The following RBFOX3 variants were observed in gnomAD, a reference collection of about 807,000 sequenced individuals.
The protein encoded by RBFOX3 is RNA binding protein fox-1 homolog 3.
RBFOX3 carries 17 observed loss-of-function variants against 48.7 expected under a neutral mutation model. The observed-to-expected ratio is 0.35, with a 90% CI of 0.24 to 0.52. The LOEUF (loss-of-function observed/expected upper bound fraction) is 0.52, where lower values mean the gene tolerates loss of function less well. Ranked by LOEUF, RBFOX3 falls within the 20% of genes least tolerant of loss-of-function variation. The pLI is 0.94. For missense variants in RBFOX3, 382 were observed against 497.5 expected (o/e 0.77, Z 2.21); for synonymous variants, 212 against 209.5 (o/e 1.01, Z -0.10).
chr17:79,348,571 C>CTTTTTTTTTTTTTTTT (rs71358701), intron 2 of RBFOX3, among the ~76,000 whole-genome samples: 1 of 75,144 alleles, frequency 1.3e-5, no homozygotes, highest in Non-Finnish European at 2.3e-5. Context: ...TTTTCTTTTC[C>CTTTTTTTTTTTTTTTT]TTTTTTTTTT....
At chr17:79,182,442 G>A (rs1030804180) in intron 4 of RBFOX3, among the ~76,000 whole-genome samples, 1 of 152,198 alleles carries the variant, frequency 6.6e-6, no homozygotes, top group East Asian at 1.9e-4. Flanking sequence ...GAGGGGCCTG[G>A]GGGAGACGAG....
chr17:79,554,045 TTC>T (rs1210258778), intron 1 of RBFOX3, among the ~76,000 whole-genome samples: 2 of 152,226 alleles, frequency 1.3e-5, no homozygotes, highest in Middle Eastern at 3.2e-3. Flanking sequence ...CTTTCTTGAC[TTC>T]TAACCTTGAC....
Position 79,362,036 on chromosome 17 carries a change from T to C in RBFOX3, c.-174-54212A>G, listed in dbSNP as rs1219211648. ...TAATACAGCTGCCTTGGACGAATGTTCCCTGCCTGCTGCGTATTTACTCAG... is the reference window on the plus strand; with the variant it reads ...TAATACAGCTGCCTTGGACGAATGTCCCCTGCCTGCTGCGTATTTACTCAG... On this transcript the variant is annotated intron_variant, in intron 2 of 14. Transcript: ENST00000693108. The surrounding 1 kb of genome is among the most constrained non-coding windows in gnomAD (Gnocchi z 4.2). Among the ~76,000 whole-genome samples the C allele has an allele frequency of 1.3e-5, 2 of 152,196 alleles. No homozygotes were observed. The highest frequency in any genetic ancestry group is 1.5e-5 in the Non-Finnish European group (1 of 68,040).
chr17:79,335,361 G>T (rs796312969), intron 2 of RBFOX3, among the ~76,000 whole-genome samples: 9 of 152,366 alleles, frequency 5.9e-5, no homozygotes, highest in African/African-American at 2.2e-4. Context: ...GAAACATCAT[G>T]TAAGTGTATG....
intron 3 of RBFOX3, among the ~76,000 whole-genome samples, chr17:79,241,695 A>G (rs919363542): frequency 1.1e-4 from 17 of 152,144 alleles, no homozygotes; most frequent in African/African-American, 4.1e-4. Context: ...ACAGAAATGT[A>G]TTTCTCCCAG....
intron 4 of RBFOX3, among the ~76,000 whole-genome samples, chr17:79,210,171 G>C (rs1023911883): frequency 6.6e-6 from 1 of 152,214 alleles, no homozygotes; most frequent in Admixed American, 6.5e-5. Flanking sequence ...TATGGAGTGG[G>C]GAGTGCAGGG....
chr17:79,638,676 G>A, the RBFOX3 span, among the ~76,000 whole-genome samples: 11 of 152,170 alleles, frequency 7.2e-5, no homozygotes, highest in Admixed American at 1.3e-4. Flanking sequence ...TCATGAATAC[G>A]TTAATGCCCT....
chr17:79,317,812 C>T (rs1385858618), intron 2 of RBFOX3, among the ~76,000 whole-genome samples: 1 of 152,024 alleles, frequency 6.6e-6, no homozygotes, highest in Non-Finnish European at 1.5e-5. Context: ...AGGGTGCCAC[C>T]TTGTCTACCT....
At chr17:79,456,976 G>C (rs1437497534) in intron 2 of RBFOX3, among the ~76,000 whole-genome samples, 2 of 152,242 alleles carry the variant, frequency 1.3e-5, no homozygotes, top group South Asian at 2.1e-4. Flanking sequence ...GTCATGAATT[G>C]TATGTGTGTG....
At chr17:79,184,979 A>G (rs2053098387) in intron 4 of RBFOX3, among the ~76,000 whole-genome samples, 1 of 152,206 alleles carries the variant, frequency 6.6e-6, no homozygotes. Context: ...CCATTGAGGA[A>G]GAGGGAACAA....
At chr17:79,620,091 GCACACATGTGTGCATGCACGCATATGCA>G in the RBFOX3 span, among the ~76,000 whole-genome samples, 7,880 of 131,324 alleles carry the variant, frequency 0.06, 675 homozygotes, top group African/African-American at 0.21. Flanking sequence ...ACAAGCACAT[GCACACATGTGTGCATGCACGCATATGCA>G]CACATACACA....
intron 2 of RBFOX3, among the ~76,000 whole-genome samples, chr17:79,433,184 G>A (rs1418369816): frequency 1.3e-5 from 2 of 152,156 alleles, no homozygotes; most frequent in African/African-American, 4.8e-5. Flanking sequence ...TCAGGAAAAT[G>A]GTGTGAGTCA....
the RBFOX3 span, among the ~76,000 whole-genome samples, chr17:79,633,322 G>A: frequency 5.9e-5 from 9 of 152,386 alleles, no homozygotes; most frequent in East Asian, 1.7e-3. Flanking sequence ...CACTGTCAGT[G>A]CCAGCGGGCA....
chr17:79,113,340 C>A (rs1187627912), intron 5 of RBFOX3, among the ~76,000 whole-genome samples: 2 of 152,142 alleles, frequency 1.3e-5, no homozygotes, highest in African/African-American at 4.8e-5. Flanking sequence ...TCTGAGGAGG[C>A]CCAGGTCTTT....
chr17:79,545,702 G>A (rs183036116), intron 1 of RBFOX3, among the ~76,000 whole-genome samples: 6 of 152,238 alleles, frequency 3.9e-5, no homozygotes, highest in East Asian at 1.9e-4. Flanking sequence ...ATCCAATTCC[G>A]CCTCCCAGCT....
In RBFOX3 at chr17:79,305,737, C is replaced by A. The variant is rs372962035; in HGVS notation, c.-74+1987G>T. On this transcript the variant is annotated intron_variant, in intron 3 of 14. Transcript: ENST00000693108. ...CTCCTGAAAGGGCAGGGAGCCTCCGCTGGGCCATTTTTCAGACTTTAATTG... is the reference window on the plus strand; with the variant it reads ...CTCCTGAAAGGGCAGGGAGCCTCCGATGGGCCATTTTTCAGACTTTAATTG... 3.6e-3 allele frequency among the ~76,000 whole-genome samples: 550 copies of A among 152,344 alleles called. 2 individuals carry two copies. Among genetic ancestry groups the A allele is most frequent in the African/African-American group, 0.013 (534 of 41,572 alleles).
At chr17:79,273,563 T>C (rs375017042) in intron 3 of RBFOX3, among the ~76,000 whole-genome samples, 97 of 101,978 alleles carry the variant, frequency 9.5e-4, no homozygotes, top group African/African-American at 3.1e-3. Context: ...GGGTAAACAG[T>C]GCTCTGGGGG....
chr17:79,134,915 C>T (rs964902490), intron 4 of RBFOX3: 3 of 152,306 alleles, frequency 2.0e-5, no homozygotes, highest in African/African-American at 7.2e-5. Context: ...GAAAGGCCAC[C>T]TGGGCACCCT....
rs143932773 is a variant in RBFOX3 at position 79,123,909 on chromosome 17, C to A, written c.-33-8161G>T. Among the ~76,000 whole-genome samples the A allele has an allele frequency of 6.5e-3, 988 of 152,358 alleles. 7 individuals carry two copies. The highest frequency in any genetic ancestry group is 9.5e-3 in the Non-Finnish European group (644 of 68,038). On this transcript the variant is annotated intron_variant, in intron 4 of 14. Transcript: ENST00000693108. ...CATCTCATCTTTACTTACCATTCCTCCATGTGGTCGGTACCACGAACGCCA... is the reference window on the plus strand; with the variant it reads ...CATCTCATCTTTACTTACCATTCCTACATGTGGTCGGTACCACGAACGCCA...
Sources: allele counts gnomAD v4.1 joint callset (sites outside exome capture counted in the v4.1 genomes callset), GRCh38; gene constraint gnomAD v4.1.1; non-coding constraint Gnocchi (gnomAD v3.1); transcripts MANE v1.5; gene names NCBI Gene and HGNC (gene_info 2026-07-23, HGNC 2026-07-21).